Variants in FTCDNL1 observed in about 807,000 individuals in gnomAD.
The protein encoded by FTCDNL1 is formiminotransferase N-terminal subdomain-containing protein.
Under a neutral mutation model 5.9 loss-of-function variants are expected in FTCDNL1, and 11 were observed. That is an observed-to-expected ratio of 1.87 (90% CI 1.18 to 3.10). FTCDNL1 has a LOEUF of 3.10. Among genes scored for constraint, FTCDNL1 ranks in the 30% most tolerant of loss-of-function variants. The pLI is 0.00. For synonymous variants in FTCDNL1, 58 were observed against 24.8 expected, an observed-to-expected ratio of 2.34 and a Z score of -3.99; for missense variants, 115 against 65.5, an observed-to-expected ratio of 1.76 and a Z score of -2.61.
the FTCDNL1 span, among the ~76,000 whole-genome samples, chr2:199,686,458 A>T: frequency 4.3e-3 from 660 of 152,330 alleles, 7 homozygotes; most frequent in African/African-American, 0.015. Context: ...GAGTTTCATC[A>T]TTCCATAGGT....
intron 3 of FTCDNL1, among the ~76,000 whole-genome samples, chr2:199,834,947 G>A (rs1055429075): frequency 2.0e-5 from 3 of 152,214 alleles, no homozygotes; most frequent in African/African-American, 7.2e-5. Context: ...GCCAAGGCAG[G>A]AGGATCACTT....
At chr2:199,732,003 C>A in the FTCDNL1 span, among the ~76,000 whole-genome samples, 1 of 152,214 alleles carries the variant, frequency 6.6e-6, no homozygotes, top group Admixed American at 6.5e-5. Context: ...TTTTCAAAGT[C>A]TCCAGGAGGG....
At chr2:199,789,414 A>C in intron 3 of FTCDNL1, among the ~76,000 whole-genome samples, 1 of 152,192 alleles carries the variant, frequency 6.6e-6, no homozygotes, top group Non-Finnish European at 1.5e-5. Flanking sequence ...GTTATTTGAT[A>C]TAATTCAGTA....
intron 4 of FTCDNL1, among the ~76,000 whole-genome samples, chr2:199,816,027 A>AAAGC (rs1404711358): frequency 4.6e-5 from 7 of 151,370 alleles, no homozygotes; most frequent in South Asian, 2.1e-4. Flanking sequence ...AGAAAGAAAG[A>AAAGC]AAGCAATTTA....
At chr2:199,805,407 G>C (rs986824720), downstream of FTCDNL1, among the ~76,000 whole-genome samples, 1 of 152,024 alleles carries the variant, frequency 6.6e-6, no homozygotes, top group African/African-American at 2.4e-5. Flanking sequence ...GACCAGCCTG[G>C]GCAACATAGC....
In FTCDNL1 at chr2:199,776,974, G is replaced by A. The variant is rs1386612941; in HGVS notation, c.212-16139C>T. Among the ~76,000 whole-genome samples the A allele has an allele frequency of 2.5e-3, 379 of 149,670 alleles. 6 individuals are homozygous for A. Among genetic ancestry groups the A allele is most frequent in the African/African-American group, 8.7e-3 (354 of 40,882 alleles). On this transcript the variant is annotated intron_variant, in intron 3 of 3. Coordinates refer to the FTCDNL1 transcript ENST00000416668. ...TGTGTGTATATGTGTGTGTGTGTGT[G>A]TGTGTGTGTGTGTGTGTGTGTGTGT...
chr2:199,830,955 C>T (rs556674129), intron 3 of FTCDNL1, among the ~76,000 whole-genome samples: 60 of 152,290 alleles, frequency 3.9e-4, no homozygotes, highest in African/African-American at 1.4e-3. Flanking sequence ...TCGACTGACA[C>T]GTTCTGTTGC....
At chr2:199,673,327 C>CAAAAAAA in the FTCDNL1 span, among the ~76,000 whole-genome samples, 446 of 69,756 alleles carry the variant, frequency 6.4e-3, 13 homozygotes, top group African/African-American at 0.025. Flanking sequence ...GACTCTGTCT[C>CAAAAAAA]AAAAAAAAAA....
chr2:199,771,156 A>G (rs192951989), intron 3 of FTCDNL1, among the ~76,000 whole-genome samples: 1 of 152,368 alleles, frequency 6.6e-6, no homozygotes, highest in Admixed American at 6.5e-5. Context: ...GTTTTGCAAC[A>G]TATGAATGTA....
the FTCDNL1 span, among the ~76,000 whole-genome samples, chr2:199,737,761 A>C: frequency 6.6e-6 from 1 of 152,216 alleles, no homozygotes; most frequent in African/African-American, 2.4e-5. Flanking sequence ...TGAAAGGCTG[A>C]ATAACGTGAA....
the FTCDNL1 span, among the ~76,000 whole-genome samples, chr2:199,750,868 C>G: frequency 1.6e-4 from 24 of 152,324 alleles, no homozygotes; most frequent in East Asian, 4.6e-3. Context: ...GCCATGCCAT[C>G]CTTTGCTTTT....
At chr2:199,771,054 T>G (rs1698783947) in intron 3 of FTCDNL1, among the ~76,000 whole-genome samples, 1 of 152,250 alleles carries the variant, frequency 6.6e-6, no homozygotes, top group Admixed American at 6.5e-5. Context: ...TTTACTGGCT[T>G]ATGTTAGGGA....
the FTCDNL1 span, among the ~76,000 whole-genome samples, chr2:199,744,486 G>T: frequency 1.3e-5 from 2 of 152,116 alleles, no homozygotes; most frequent in Non-Finnish European, 1.5e-5. Context: ...AAAAGGCCAT[G>T]TGAGGGTACA....
the FTCDNL1 span, among the ~76,000 whole-genome samples, chr2:199,724,488 G>T: frequency 2.6e-5 from 4 of 151,890 alleles, no homozygotes; most frequent in Non-Finnish European, 5.9e-5. Flanking sequence ...ATGTTGATTT[G>T]AGATCTTTCT....
At chr2:199,831,892 C>T (rs1702395687) in intron 3 of FTCDNL1, among the ~76,000 whole-genome samples, 2 of 152,070 alleles carry the variant, frequency 1.3e-5, no homozygotes, top group African/African-American at 4.8e-5. Context: ...CTTAATGTGT[C>T]GAGGTCTGCT....
intron 3 of FTCDNL1, among the ~76,000 whole-genome samples, chr2:199,776,954 GTATA>G (rs1187723690): frequency 1.3e-4 from 16 of 120,872 alleles, no homozygotes; most frequent in East Asian, 2.9e-4. Context: ...AGAGATGTGT[GTATA>G]TGTGTGTGTG....
At chr2:199,691,323 C>T in the FTCDNL1 span, among the ~76,000 whole-genome samples, 7 of 152,188 alleles carry the variant, frequency 4.6e-5, no homozygotes, top group East Asian at 1.3e-3. Context: ...CAGGCATGCG[C>T]CACCACACCC....
chr2:199,834,763 CTT>C (rs1322944278), intron 3 of FTCDNL1, among the ~76,000 whole-genome samples: 1 of 152,238 alleles, frequency 6.6e-6, no homozygotes, highest in African/African-American at 2.4e-5. Flanking sequence ...CCCCAATACT[CTT>C]ATTTCCCTGA....
chr2:199,789,148 C>T (rs556647289), intron 3 of FTCDNL1, among the ~76,000 whole-genome samples: 1 of 151,832 alleles, frequency 6.6e-6, no homozygotes, highest in Non-Finnish European at 1.5e-5. Context: ...TTTTATATTA[C>T]AGCAATTACA....
Sources: allele counts gnomAD v4.1 joint callset (sites outside exome capture counted in the v4.1 genomes callset), GRCh38; gene constraint gnomAD v4.1.1; transcripts MANE v1.5; gene names NCBI Gene and HGNC (gene_info 2026-07-23, HGNC 2026-07-21).